The following TATDN3 variants were observed in gnomAD, a reference collection of about 807,000 sequenced individuals.
TATDN3 encodes TatD DNase domain containing 3.
A neutral mutation model predicts 40.1 loss-of-function variants in TATDN3; 29 were observed. That is an observed-to-expected ratio of 0.72 (90% confidence interval 0.54 to 0.99). TATDN3 has a LOEUF of 0.99. Among genes scored for constraint, TATDN3 ranks in the 50% least tolerant of loss-of-function variants. The pLI is 0.00. For synonymous variants in TATDN3, 105 were observed against 117.0 expected, an observed-to-expected ratio of 0.90 and a Z score of 0.66; for missense variants, 309 against 321.9, an observed-to-expected ratio of 0.96 and a Z score of 0.31.
chr1:212,813,931 T>G (rs552267838), intron 9 of TATDN3, among the ~76,000 whole-genome samples: 2 of 152,084 alleles, frequency 1.3e-5, no homozygotes, highest in Non-Finnish European at 2.9e-5. Context: ...AACTTGGACA[T>G]ATTATTTTAT....
At chr1:212,802,436 C>T (rs4951639) in intron 4 of TATDN3, among the ~76,000 whole-genome samples, 100,991 of 152,072 alleles carry the variant, frequency 0.66, 33,869 homozygotes, top group Non-Finnish European at 0.69. Flanking sequence ...AAATACCTCC[C>T]AAACAGAAGG....
chr1:212,792,090 C>T lies in TATDN3; in HGVS notation c.66+103C>T, dbSNP rs141571022. 4.0e-3 allele frequency: 4,631 copies of T among 1,156,148 alleles called. 224 individuals are homozygous for T. The Admixed American group carries it at 0.094, about 23-fold the overall frequency. 71.6% of individuals were successfully genotyped at this position (1,156,148 alleles called of 1,614,324 possible). On this transcript the variant is annotated intron_variant, in intron 1 of 9. Coordinates refer to ENST00000366974, the MANE Select transcript of TATDN3 (RefSeq NM_001042552.3). Reference sequence around the variant, plus strand: ...CCTTGGGACGAAACCCCATATCCCCCGCCCAGACCCTTGTTTATGGCCATA... The same window carrying T: ...CCTTGGGACGAAACCCCATATCCCCTGCCCAGACCCTTGTTTATGGCCATA...
chr1:212,794,998 G>A lies in TATDN3; in HGVS notation c.67-97G>A, dbSNP rs1661644945. 7.1e-6 allele frequency: 7 copies of A among 981,818 alleles called. No individual in the cohort carries two copies. In the South Asian group the frequency reaches 8.1e-5, roughly 11 times the overall value. The allele number at this position is 981,818 out of a possible 1,614,324, so 60.8% of individuals were successfully genotyped here. On this transcript the variant is annotated intron_variant, in intron 1 of 9. Transcript: ENST00000366974. The stretch of plus-strand genomic sequence containing the variant: ...CACCACTCCATTAGTTGCTATCATT[G>A]TTATTTTTTGTGATGCCACAACTAC...
intron 3 of TATDN3, 159 bp from the exon 4 acceptor site, chr1:212,796,953 C>T: frequency 1.8e-6 from 1 of 567,400 alleles, no homozygotes; most frequent in Non-Finnish European, 3.1e-6. Flanking sequence ...CCAGGCTGGT[C>T]TCAAACTCCT....
In TATDN3 at chr1:212,810,817, A is replaced by G. The variant is rs558023868; in HGVS notation, c.601-1431A>G. 3.3e-5 allele frequency among the ~76,000 whole-genome samples: 5 copies of G among 152,330 alleles called. No individual in the cohort carries two copies. In the South Asian group the frequency reaches 8.3e-4, roughly 25 times the overall value. On this transcript the variant is annotated intron_variant, in intron 8 of 9. Coordinates refer to ENST00000366974, the MANE Select transcript of TATDN3 (RefSeq NM_001042552.3). ...ATCACTTCCTTGTCAATGTCGGCAC[A>G]TGATACCAGATGTTTGGATTTCTGC...
chr1:212,805,863 G>C (rs1276047685), intron 7 of TATDN3, among the ~76,000 whole-genome samples: 1 of 152,134 alleles, frequency 6.6e-6, no homozygotes, highest in East Asian at 1.9e-4. Flanking sequence ...CATAAAGAAA[G>C]CTAACAAAAG....
rs1356572906 is a variant in TATDN3, at chr1:212,815,856, T to A, written c.*700T>A. The A allele has an allele frequency of 6.6e-6, 1 of 152,232 alleles. No homozygotes were observed. Among genetic ancestry groups the A allele is most frequent in the Non-Finnish European group, 1.5e-5 (1 of 68,048 alleles). 9.4% of individuals were successfully genotyped at this position (152,232 alleles called of 1,614,324 possible). ...TTCTTACCACCTATTTTTCTTCCCA[T>A]AGGAGTTAGCCAGTGAAGGGAGAAT... On this transcript the variant is annotated 3_prime_UTR_variant, in exon 10 of 10. Coordinates refer to ENST00000366974, the MANE Select transcript of TATDN3 (RefSeq NM_001042552.3).
chr1:212,804,680 T>G, intron 7 of TATDN3, 29 bp downstream of exon 7: 2 of 1,587,498 alleles, frequency 1.3e-6, no homozygotes, highest in Non-Finnish European at 1.7e-6. Flanking sequence ...AAAATAGGCC[T>G]AATGTTCAAG....
intron 9 of TATDN3, among the ~76,000 whole-genome samples, chr1:212,813,865 C>T (rs1358381272): frequency 1.3e-5 from 2 of 152,128 alleles, no homozygotes; most frequent in Non-Finnish European, 2.9e-5. Context: ...CTTGTGCCAC[C>T]ACGCCCGGCT....
intron 4 of TATDN3, among the ~76,000 whole-genome samples, chr1:212,799,008 A>G (rs1422861004): frequency 6.6e-6 from 1 of 152,260 alleles, no homozygotes; most frequent in Non-Finnish European, 1.5e-5. Context: ...TGCAACCTGA[A>G]TGCTACAAAG....
Position 212,816,144 on chromosome 1 carries a change from TTTCTC to T in TATDN3, c.*990_*994del, listed in dbSNP as rs1424707786. 2 of 152,208 alleles carry T rather than the reference TTTCTC, an allele frequency of 1.3e-5. No individual in the cohort carries two copies. The highest frequency in any genetic ancestry group is 4.8e-5 in the African/African-American group (2 of 41,460). 9.4% of individuals were successfully genotyped at this position (152,208 alleles called of 1,614,324 possible). On this transcript the variant is annotated 3_prime_UTR_variant, in exon 10 of 10. Transcript: ENST00000366974. Reference sequence around the variant, plus strand: ...ATGGCATTATTAAAAATGTATCTGATTTCTCTGTGAACAGTAATATTTCATATTTT... The same window carrying T: ...ATGGCATTATTAAAAATGTATCTGATTGTGAACAGTAATATTTCATATTTT...
At chr1:212,811,628 G>T (rs956123891) in intron 8 of TATDN3, among the ~76,000 whole-genome samples, 2 of 152,034 alleles carry the variant, frequency 1.3e-5, no homozygotes, top group African/African-American at 4.8e-5. Flanking sequence ...GCCCAGTCTG[G>T]AGTACAGTGG....
chr1:212,793,114 G>A (rs1661469865), intron 1 of TATDN3: 1 of 152,214 alleles, frequency 6.6e-6, no homozygotes, highest in African/African-American at 2.4e-5. Context: ...AACAAAACTG[G>A]GGAGGTTTGC....
chr1:212,798,504 C>G (rs1661946892), intron 4 of TATDN3, among the ~76,000 whole-genome samples: 1 of 140,430 alleles, frequency 7.1e-6, no homozygotes, highest in Non-Finnish European at 1.5e-5. Flanking sequence ...CAAGACCAGC[C>G]TGGGCAACAT....
chr1:212,799,455 G>T (rs946457931), intron 4 of TATDN3, among the ~76,000 whole-genome samples: 4 of 152,048 alleles, frequency 2.6e-5, no homozygotes, highest in Non-Finnish European at 5.9e-5. Flanking sequence ...GGTGGATTTG[G>T]CATATATTTG....
At chr1:212,796,614 A>G (rs373682891) in intron 3 of TATDN3, 24 bp downstream of exon 3, 2 of 1,508,744 alleles carry the variant, frequency 1.3e-6, no homozygotes, top group Non-Finnish European at 1.8e-6. Context: ...TTAAGATTTT[A>G]AAGGGTTGCT....
chr1:212,802,591 A>T, intron 4 of TATDN3, 110 bp from the exon 5 acceptor site: 1 of 744,540 alleles, frequency 1.3e-6, no homozygotes, highest in Non-Finnish European at 2.4e-6. Flanking sequence ...GCTTAAATGG[A>T]TTAAATGTAT....
At chr1:212,808,325 A>AC (rs1553257814) in intron 8 of TATDN3, among the ~76,000 whole-genome samples, 2 of 151,140 alleles carry the variant, frequency 1.3e-5, no homozygotes, top group Middle Eastern at 3.4e-3. Context: ...AAAAAAAAAA[A>AC]AAACTAAAAA....
In TATDN3 at chr1:212,804,635, C is replaced by T; in HGVS notation, c.471C>T (p.Asn157=). The change falls in exon 7 of 10, where the codon AAC becomes AAT. Residue 157 remains asparagine, a synonymous_variant. Coordinates refer to ENST00000366974, the MANE Select transcript of TATDN3 (RefSeq NM_001042552.3). ...HSRSAGRPTI[N]LLQEQGAEKV... ...GCTCTGCTGGAAGACCTACCATCAA[C>T]CTTTTACAAGAGCAAGGTATTTCGT... The T allele has an allele frequency of 6.2e-7, 1 of 1,613,498 alleles. No homozygotes were observed. Among genetic ancestry groups the T allele is most frequent in the Non-Finnish European group, 8.5e-7 (1 of 1,179,798 alleles).
Sources: gnomAD v4.1 joint callset for allele counts (sites outside exome capture counted in the v4.1 genomes callset) on GRCh38, gnomAD v4.1.1 for gene constraint, MANE v1.5 for transcripts, NCBI Gene and HGNC (gene_info 2026-07-23, HGNC 2026-07-21) for gene names.